The following CLMP variants were observed in gnomAD, a reference collection of about 807,000 sequenced individuals.
CLMP encodes CXADR like cell adhesion molecule.
Under a neutral mutation model 45.2 loss-of-function variants are expected in CLMP, and 27 were observed. The ratio of observed to expected loss-of-function variants is 0.60; its 90% CI spans 0.44 to 0.82. CLMP has a LOEUF of 0.82. CLMP is among the 40% of genes least tolerant of loss of function. CLMP has a pLI of 0.00. For synonymous variants in CLMP, 167 were observed against 171.4 expected (o/e 0.97, Z 0.20); for missense variants, 403 against 448.4 (o/e 0.90, Z 0.91).
chr11:123,187,907 C>T (rs904714574), intron 1 of CLMP, among the ~76,000 whole-genome samples: 3 of 152,122 alleles, frequency 2.0e-5, no homozygotes, highest in Non-Finnish European at 4.4e-5. Context: ...GCTTATTTAG[C>T]GTGATCTCAA....
intron 1 of CLMP, among the ~76,000 whole-genome samples, chr11:123,194,111 A>C (rs1861945664): frequency 6.6e-6 from 1 of 151,950 alleles, no homozygotes; most frequent in Non-Finnish European, 1.5e-5. Flanking sequence ...CCTCTCCTGC[A>C]AACCTGCCTC....
At chr11:123,155,705 C>A (rs1861403683) in intron 1 of CLMP, among the ~76,000 whole-genome samples, 6 of 152,280 alleles carry the variant, frequency 3.9e-5, no homozygotes, top group Admixed American at 3.9e-4. Flanking sequence ...GGGACTCTTG[C>A]CTCCTGGTAT....
intron 1 of CLMP, among the ~76,000 whole-genome samples, chr11:123,137,314 C>A (rs1435400274): frequency 1.3e-5 from 2 of 151,356 alleles, no homozygotes; most frequent in Admixed American, 6.6e-5. Context: ...CCACCACGCC[C>A]GGCTAATTTT....
intron 1 of CLMP, among the ~76,000 whole-genome samples, chr11:123,143,758 A>C (rs1413766182): frequency 1.3e-5 from 2 of 152,036 alleles, no homozygotes; most frequent in Non-Finnish European, 2.9e-5. Flanking sequence ...GCCCCAGCTG[A>C]GCCTCCAGAT....
chr11:123,114,882 A>C (rs747730262), intron 1 of CLMP, among the ~76,000 whole-genome samples: 2 of 152,158 alleles, frequency 1.3e-5, no homozygotes, highest in African/African-American at 2.4e-5. Context: ...CGCACAGATT[A>C]CGAGGAATTG....
intron 1 of CLMP, among the ~76,000 whole-genome samples, chr11:123,121,238 A>G (rs1255201308): frequency 6.6e-6 from 1 of 151,026 alleles, no homozygotes; most frequent in Non-Finnish European, 1.5e-5. Context: ...CAGTGTCTGT[A>G]GGCCTTTTTT....
chr11:123,118,220 C>G (rs1860742574), intron 1 of CLMP, among the ~76,000 whole-genome samples: 1 of 152,126 alleles, frequency 6.6e-6, no homozygotes, highest in African/African-American at 2.4e-5. Context: ...ACCTCTGCCT[C>G]CGGAGTTCAA....
chr11:123,121,792 C>A (rs1187201514), intron 1 of CLMP, among the ~76,000 whole-genome samples: 2 of 152,204 alleles, frequency 1.3e-5, no homozygotes, highest in African/African-American at 4.8e-5. Flanking sequence ...CTCTCTTCCA[C>A]CTGCTTTCAT....
intron 1 of CLMP, among the ~76,000 whole-genome samples, chr11:123,133,742 A>G (rs1316792109): frequency 3.3e-5 from 5 of 152,098 alleles, no homozygotes; most frequent in Non-Finnish European, 5.9e-5. Flanking sequence ...CTGATATGAG[A>G]GGCAACCTCC....
intron 1 of CLMP, among the ~76,000 whole-genome samples, chr11:123,145,930 C>A (rs2135520890): frequency 6.6e-6 from 1 of 152,318 alleles, no homozygotes; most frequent in East Asian, 1.9e-4. Flanking sequence ...TATAGCCCTC[C>A]CTGGAGGGGA....
In CLMP at chr11:123,144,829, C is replaced by T. The variant is rs573136573; in HGVS notation, c.29-46877G>A. On this transcript the variant is annotated intron_variant, in intron 1 of 6. Coordinates refer to ENST00000448775, the MANE Select transcript of CLMP (RefSeq NM_024769.5). The stretch of plus-strand genomic sequence containing the variant: ...GCTGATTGCATATGGACCTCAGGTA[C>T]AAGCTGGTGGATCCCTTTCGACCCC... Among the ~76,000 whole-genome samples, 15 of 152,198 alleles carry T rather than the reference C, an allele frequency of 9.9e-5. No individual in the cohort carries two copies. The East Asian group carries it at 2.9e-3, about 29-fold the overall frequency.
At chr11:123,129,091 G>A (rs1860943083) in intron 1 of CLMP, among the ~76,000 whole-genome samples, 1 of 152,114 alleles carries the variant, frequency 6.6e-6, no homozygotes, top group African/African-American at 2.4e-5. Context: ...GGGAGGTCGA[G>A]GCAGGTGGAT....
chr11:123,094,626 G>A (rs1272089440), intron 2 of CLMP, among the ~76,000 whole-genome samples: 2 of 152,116 alleles, frequency 1.3e-5, no homozygotes, highest in East Asian at 3.9e-4. Flanking sequence ...GGAACTCCTG[G>A]CCTCAAGTAG....
At chr11:123,172,828 T>A (rs558343503) in intron 1 of CLMP, among the ~76,000 whole-genome samples, 1 of 152,346 alleles carries the variant, frequency 6.6e-6, no homozygotes, top group South Asian at 2.1e-4. Flanking sequence ...GTCCTTAGCA[T>A]AGATTTCTAA....
intron 2 of CLMP, among the ~76,000 whole-genome samples, chr11:123,085,490 C>T (rs1865853720): frequency 6.6e-6 from 1 of 151,520 alleles, no homozygotes; most frequent in Non-Finnish European, 1.5e-5. Context: ...CTCAGGTGAT[C>T]CACCCTCCTT....
At chr11:123,121,094 T>G (rs973189677) in intron 1 of CLMP, among the ~76,000 whole-genome samples, 3 of 128,058 alleles carry the variant, frequency 2.3e-5, no homozygotes, top group Admixed American at 9.4e-5. Context: ...GCCACTGCAC[T>G]CCAGCCTGGG....
Position 123,142,922 on chromosome 11 carries a change from G to A in CLMP, c.29-44970C>T, listed in dbSNP as rs182477471. Reference sequence around the variant, plus strand: ...ACTACAGGCGTGAGCCACCGCGCCCGGCCGATGAGGTTTCTTAAAACAGGC... The same window carrying A: ...ACTACAGGCGTGAGCCACCGCGCCCAGCCGATGAGGTTTCTTAAAACAGGC... On this transcript the variant is annotated intron_variant, in intron 1 of 6. Coordinates refer to ENST00000448775, the MANE Select transcript of CLMP (RefSeq NM_024769.5). Among the ~76,000 whole-genome samples, 36 of 152,244 alleles carry A rather than the reference G, an allele frequency of 2.4e-4. No individual in the cohort carries two copies. In the East Asian group the frequency reaches 4.1e-3, roughly 17 times the overall value.
rs1860763100 is a variant in CLMP, at chr11:123,118,975, TTCTTTCTTTCTTTCTTTCTTTCTTTCTC to T, written c.29-21051_29-21024del. 8.7e-5 allele frequency among the ~76,000 whole-genome samples: 4 copies of T among 46,120 alleles called. No homozygotes were observed. In the East Asian group the frequency reaches 1.8e-3, roughly 21 times the overall value. 30.3% of individuals were successfully genotyped at this position (46,120 alleles called of 152,430 possible). ...TTTCTTTCTTTCTTTCTTTCTTTCTTTCTTTCTTTCTTTCTTTCTTTCTTTCTCTCTCTCTCTCTCTCTCTCTCTCTCT... is the reference window on the plus strand; with the variant it reads ...TTTCTTTCTTTCTTTCTTTCTTTCTTTCTCTCTCTCTCTCTCTCTCTCTCT... On this transcript the variant is annotated intron_variant, in intron 1 of 6. Coordinates refer to ENST00000448775, the MANE Select transcript of CLMP (RefSeq NM_024769.5).
At chr11:123,081,788 G>A (rs1235484967) in intron 5 of CLMP, among the ~76,000 whole-genome samples, 1 of 151,652 alleles carries the variant, frequency 6.6e-6, no homozygotes, top group Admixed American at 6.6e-5. Flanking sequence ...CTTGAACCCG[G>A]GAGGCAGAGG....
Sources: allele counts gnomAD v4.1 joint callset (sites outside exome capture counted in the v4.1 genomes callset), GRCh38; gene constraint gnomAD v4.1.1; transcripts MANE v1.5; gene names NCBI Gene and HGNC (gene_info 2026-07-23, HGNC 2026-07-21).